Variants in CPAP observed in about 807,000 individuals in gnomAD.
The protein encoded by CPAP is centrosomal P4.1-associated protein.
the CPAP span, chr13:24,906,005 A>G: frequency 1.2e-6 from 2 of 1,613,866 alleles, no homozygotes; most frequent in Admixed American, 1.7e-5. Context: ...GCTCTTTTGG[A>G]CGGCTTTCCT....
the CPAP span, among the ~76,000 whole-genome samples, chr13:24,896,618 C>T: frequency 3.3e-5 from 5 of 152,324 alleles, no homozygotes; most frequent in East Asian, 9.6e-4. Context: ...CCACGTTATT[C>T]ATCTAACAAA....
At chr13:24,883,807 CAA>C in the CPAP span, among the ~76,000 whole-genome samples, 1 of 152,164 alleles carries the variant, frequency 6.6e-6, no homozygotes, top group South Asian at 2.1e-4. Context: ...TAATTCACAT[CAA>C]GTTGACTGAC....
chr13:24,915,065 A>ACT, the CPAP span, among the ~76,000 whole-genome samples: 1 of 151,346 alleles, frequency 6.6e-6, no homozygotes, highest in Non-Finnish European at 1.5e-5. Context: ...ACTGAGTGAG[A>ACT]CTCTCTCTCA....
the CPAP span, chr13:24,892,773 T>A: frequency 1.9e-6 from 3 of 1,614,002 alleles, no homozygotes; most frequent in Non-Finnish European, 2.5e-6. Flanking sequence ...GACTAACATT[T>A]GTATCTGGCT....
chr13:24,905,919 C>G, the CPAP span: 1 of 1,614,082 alleles, frequency 6.2e-7, no homozygotes, highest in Non-Finnish European at 8.5e-7. Flanking sequence ...AGCTGTTCCT[C>G]AGAGTCAGTG....
chr13:24,914,789 A>G, the CPAP span, among the ~76,000 whole-genome samples: 103 of 152,114 alleles, frequency 6.8e-4, 1 homozygote, highest in Middle Eastern at 3.4e-3. Context: ...AAATAAATAA[A>G]TAAGTCGGGT....
chr13:24,883,453 TTGAGTCTGGCAGCTAC>T, the CPAP span: 1 of 1,129,632 alleles, frequency 8.9e-7, no homozygotes, highest in Middle Eastern at 2.9e-4. Context: ...AAGTAGCCTT[TTGAGTCTGGCAGCTAC>T]TTCTGGAGAC....
At chr13:24,896,644 G>A in the CPAP span, among the ~76,000 whole-genome samples, 1 of 152,218 alleles carries the variant, frequency 6.6e-6, no homozygotes, top group African/African-American at 2.4e-5. Context: ...ACAACAAAAA[G>A]AAGTGTGTTT....
At chr13:24,909,676 G>C in the CPAP span, 1 of 987,038 alleles carries the variant, frequency 1.0e-6, no homozygotes, top group Non-Finnish European at 1.5e-6. Flanking sequence ...TGAGCAACAC[G>C]GCAACACTCC....
chr13:24,891,269 G>T, the CPAP span, among the ~76,000 whole-genome samples: 3 of 151,938 alleles, frequency 2.0e-5, no homozygotes, highest in African/African-American at 7.3e-5. Context: ...CTGCTCATCT[G>T]CTCCTCCCTG....
chr13:24,887,608 AG>A, the CPAP span, among the ~76,000 whole-genome samples: 1 of 152,200 alleles, frequency 6.6e-6, no homozygotes, highest in African/African-American at 2.4e-5. Flanking sequence ...AAACAAGCTC[AG>A]GGCTCCCCCT....
chr13:24,899,377 C>G, the CPAP span: 1 of 1,502,274 alleles, frequency 6.7e-7, no homozygotes, highest in Non-Finnish European at 9.2e-7. Flanking sequence ...AGATTGTCAC[C>G]TTTACTAACT....
chr13:24,901,863 G>A, the CPAP span, among the ~76,000 whole-genome samples: 5 of 152,264 alleles, frequency 3.3e-5, no homozygotes, highest in South Asian at 4.1e-4. Context: ...GTGGTGGTGC[G>A]TGCCTGTAGT....
the CPAP span, chr13:24,904,061 A>G: frequency 6.2e-7 from 1 of 1,613,784 alleles, no homozygotes; most frequent in Non-Finnish European, 8.5e-7. Flanking sequence ...ATTGTCACCT[A>G]TGAAATAGGC....
chr13:24,883,336 G>A, the CPAP span: 1 of 1,613,278 alleles, frequency 6.2e-7, no homozygotes, highest in Non-Finnish European at 8.5e-7. Context: ...GTTCTCTTTG[G>A]CCATTATTAA....
chr13:24,933,486 G>A, the CPAP span: 6 of 199,956 alleles, frequency 3.0e-5, no homozygotes, highest in East Asian at 6.6e-4. Context: ...GCGCACTGTC[G>A]TCACTCACCA....
chr13:24,932,411 G>A, the CPAP span, among the ~76,000 whole-genome samples: 2 of 152,214 alleles, frequency 1.3e-5, no homozygotes, highest in African/African-American at 4.8e-5. Context: ...GGGAGGCGGA[G>A]GTTGCAACCA....
the CPAP span, among the ~76,000 whole-genome samples, chr13:24,891,875 G>A: frequency 1.3e-4 from 20 of 152,188 alleles, no homozygotes; most frequent in African/African-American, 2.9e-4. Flanking sequence ...CGATTGCCCC[G>A]TCTCAGGCCC....
At chr13:24,899,184 C>G in the CPAP span, among the ~76,000 whole-genome samples, 12 of 152,164 alleles carry the variant, frequency 7.9e-5, no homozygotes, top group African/African-American at 2.9e-4. Flanking sequence ...ATGACATTAT[C>G]GTGGTCTTTT....
Sources: allele counts gnomAD v4.1 joint callset (sites outside exome capture counted in the v4.1 genomes callset), GRCh38; gene constraint gnomAD v4.1.1; transcripts MANE v1.5; gene names NCBI Gene and HGNC (gene_info 2026-07-23, HGNC 2026-07-21).